The following SLC27A6 variants were observed in gnomAD, a reference collection of about 807,000 sequenced individuals.
SLC27A6 encodes the protein long-chain fatty acid transport protein 6.
SLC27A6 carries 74 observed loss-of-function variants against 63.9 expected under a neutral mutation model. The ratio of observed to expected loss-of-function variants is 1.16; its 90% CI spans 0.96 to 1.40. The LOEUF is 1.40. Ranked by LOEUF, SLC27A6 falls within the 40% of genes most tolerant of loss-of-function variation. The pLI, the probability that SLC27A6 is intolerant of heterozygous loss-of-function variation, is 0.00. For synonymous variants in SLC27A6, 287 were observed against 260.8 expected (o/e 1.10, Z -0.97); for missense variants, 794 against 732.9 (o/e 1.08, Z -0.96).
chr5:129,028,388 A>T lies in SLC27A6; in HGVS notation c.1498A>T (p.Ile500Phe). The change falls in exon 8 of 10, where the codon ATT becomes TTT. Residue 500 changes from isoleucine to phenylalanine, a missense_variant. Coordinates refer to ENST00000262462, the MANE Select transcript of SLC27A6 (RefSeq NM_001017372.3). ...NVATTEVADV[I>F]GMLDFIQEAN... Reference sequence around the variant, plus strand: ...CGCAACCACTGAGGTTGCTGATGTTATTGGAATGTTGGATTTCATACAGGA... The same window carrying T: ...CGCAACCACTGAGGTTGCTGATGTTTTTGGAATGTTGGATTTCATACAGGA... 1 of 1,611,102 alleles carries T rather than the reference A, an allele frequency of 6.2e-7. No homozygotes were observed. The highest frequency in any genetic ancestry group is 8.5e-7 in the Non-Finnish European group (1 of 1,177,872).
chr5:128,968,329 A>G (rs564593124), intron 1 of SLC27A6, among the ~76,000 whole-genome samples: 2 of 152,254 alleles, frequency 1.3e-5, no homozygotes, highest in Non-Finnish European at 2.9e-5. Flanking sequence ...TCCTTGAGGA[A>G]TCACCACACC....
chr5:128,967,544 C>T (rs1226709059), intron 1 of SLC27A6, among the ~76,000 whole-genome samples: 1 of 152,072 alleles, frequency 6.6e-6, no homozygotes, highest in Non-Finnish European at 1.5e-5. Context: ...TTTAAACTCA[C>T]AGAACAATAT....
At chr5:129,004,575 C>T (rs1270434536) in intron 4 of SLC27A6, among the ~76,000 whole-genome samples, 4 of 152,118 alleles carry the variant, frequency 2.6e-5, no homozygotes, top group Non-Finnish European at 5.9e-5. Flanking sequence ...CCTCTCATTC[C>T]TATCCCAATA....
chr5:129,019,228 A>G (rs1181830878), intron 5 of SLC27A6, among the ~76,000 whole-genome samples: 1 of 152,106 alleles, frequency 6.6e-6, no homozygotes, highest in East Asian at 1.9e-4. Context: ...TAAAAAATTT[A>G]GTGACAACAT....
intron 5 of SLC27A6, among the ~76,000 whole-genome samples, chr5:129,022,326 A>G (rs1289735413): frequency 5.9e-5 from 9 of 152,180 alleles, no homozygotes. Flanking sequence ...TGTCCAGCAT[A>G]TAGTTGGTGC....
intron 4 of SLC27A6, 34 bp from the exon 5 acceptor site, chr5:129,015,851 A>G: frequency 7.2e-7 from 1 of 1,396,930 alleles, no homozygotes; most frequent in Non-Finnish European, 9.8e-7. Context: ...TAGAAACTGG[A>G]ACTAATTACA....
Position 128,965,995 on chromosome 5 carries a change from C to T in SLC27A6, c.-143C>T. 1.0e-6 allele frequency: 1 copy of T among 953,218 alleles called. No homozygotes were observed. The highest frequency in any genetic ancestry group is 3.4e-5 in the Admixed American group (1 of 29,738). The allele number at this position is 953,218 out of a possible 1,614,324, so 59.0% of individuals were successfully genotyped here. ...TTTCTCAGGATTCCTCCCCATCCCG[C>T]TTCGCCCCGGAAAAGCTGACAAGAA... On this transcript the variant is annotated 5_prime_UTR_variant, in exon 1 of 10. Transcript: ENST00000262462.
At chr5:129,022,313 C>T (rs374526501) in intron 5 of SLC27A6, among the ~76,000 whole-genome samples, 9 of 152,166 alleles carry the variant, frequency 5.9e-5, no homozygotes, top group African/African-American at 1.7e-4. Context: ...ACACTTAGCA[C>T]AGTGTCCAGC....
At chr5:129,002,114 C>T (rs925978739) in intron 4 of SLC27A6, among the ~76,000 whole-genome samples, 4 of 152,094 alleles carry the variant, frequency 2.6e-5, no homozygotes, top group Non-Finnish European at 5.9e-5. Flanking sequence ...AATCCAAGAC[C>T]TTGGGATGTC....
At chr5:129,022,345 T>C (rs544103526) in intron 5 of SLC27A6, among the ~76,000 whole-genome samples, 1 of 152,268 alleles carries the variant, frequency 6.6e-6, no homozygotes, top group Non-Finnish European at 1.5e-5. Context: ...GCCCAATCAA[T>C]ATTAATTGCT....
Position 129,026,587 on chromosome 5 carries a change from G to A in SLC27A6, c.1256-546G>A, listed in dbSNP as rs897394809. On this transcript the variant is annotated intron_variant, in intron 6 of 9. Coordinates refer to ENST00000262462, the MANE Select transcript of SLC27A6 (RefSeq NM_001017372.3). ...CAAAGTCATAAAAACTTGAATTTGA[G>A]TTATAGGTCCATTTATTTCTCTGAG... 9.2e-5 allele frequency among the ~76,000 whole-genome samples: 14 copies of A among 152,184 alleles called. 1 individual carries two copies. Among genetic ancestry groups the A allele is most frequent in the South Asian group, 2.1e-4 (1 of 4,822 alleles).
chr5:128,973,881 C>T (rs1212789356), intron 1 of SLC27A6, among the ~76,000 whole-genome samples: 1 of 152,224 alleles, frequency 6.6e-6, no homozygotes, highest in East Asian at 1.9e-4. Flanking sequence ...TAGACTGGTG[C>T]TGTTCCTATT....
intron 5 of SLC27A6, among the ~76,000 whole-genome samples, chr5:129,022,844 TAGG>T (rs1332283847): frequency 1.3e-5 from 2 of 151,808 alleles, no homozygotes; most frequent in Non-Finnish European, 1.5e-5. Context: ...CAAAACAAAA[TAGG>T]AGGAGGTTGG....
chr5:129,024,612 T>C (rs1752176944), intron 6 of SLC27A6, among the ~76,000 whole-genome samples: 1 of 152,120 alleles, frequency 6.6e-6, no homozygotes, highest in African/African-American at 2.4e-5. Flanking sequence ...TAGACTTTCT[T>C]ACAATTTTAG....
intron 9 of SLC27A6, among the ~76,000 whole-genome samples, chr5:129,031,952 T>C (rs1408548387): frequency 6.6e-6 from 1 of 151,852 alleles, no homozygotes; most frequent in African/African-American, 2.4e-5. Flanking sequence ...CAAAGTGAAG[T>C]TGACTCAAAT....
intron 7 of SLC27A6, 28 bp from the exon 8 acceptor site, chr5:129,028,317 T>G: frequency 6.7e-7 from 1 of 1,483,764 alleles, no homozygotes; most frequent in Non-Finnish European, 9.4e-7. Context: ...ACAGGTGCAC[T>G]AACTGGAATT....
chr5:129,031,934 A>AG (rs1028092487), intron 9 of SLC27A6, among the ~76,000 whole-genome samples: 1 of 151,860 alleles, frequency 6.6e-6, no homozygotes, highest in Admixed American at 6.6e-5. Flanking sequence ...AGATCAGGGA[A>AG]GGGGGTTCAA....
At chr5:128,966,674 C>T in intron 1 of SLC27A6, 56 bp downstream of exon 1, 2 of 1,370,652 alleles carry the variant, frequency 1.5e-6, no homozygotes, top group Middle Eastern at 1.9e-4. Context: ...TGCTTTCATA[C>T]CCTTTTTTTT....
chr5:129,026,433 A>G (rs1752247083), intron 6 of SLC27A6, among the ~76,000 whole-genome samples: 4 of 152,168 alleles, frequency 2.6e-5, no homozygotes, highest in Admixed American at 2.0e-4. Context: ...ATAGAATAGG[A>G]AACCTTTTCA....
Sources: gnomAD v4.1 joint callset for allele counts (sites outside exome capture counted in the v4.1 genomes callset) on GRCh38, gnomAD v4.1.1 for gene constraint, MANE v1.5 for transcripts, NCBI Gene and HGNC (gene_info 2026-07-23, HGNC 2026-07-21) for gene names.